MED13L: variants seen among roughly 807,000 people sequenced by gnomAD.
The protein encoded by MED13L is mediator of RNA polymerase II transcription subunit 13-like.
A neutral mutation model predicts 220.9 loss-of-function variants in MED13L; 7 were observed. That is an observed-to-expected ratio of 0.03 (90% CI 0.02 to 0.06). The LOEUF (loss-of-function observed/expected upper bound fraction) is 0.06. Among genes scored for constraint, MED13L ranks in the 10% least tolerant of loss-of-function variants. The pLI is 1.00. For synonymous variants in MED13L, 1,011 were observed against 1,015.2 expected, an observed-to-expected ratio of 1.00 and a Z score of 0.08; for missense variants, 1,965 against 2,760.5, an observed-to-expected ratio of 0.71 and a Z score of 6.46.
chr12:116,239,454 T>C (rs750249656), intron 1 of MED13L, among the ~76,000 whole-genome samples: 1 of 152,224 alleles, frequency 6.6e-6, no homozygotes, highest in Non-Finnish European at 1.5e-5. Context: ...CTTTTTAAAG[T>C]TGGAACCATA....
chr12:116,225,596 G>A (rs1017192224), intron 2 of MED13L, among the ~76,000 whole-genome samples: 8 of 152,126 alleles, frequency 5.3e-5, no homozygotes, highest in African/African-American at 1.9e-4. Context: ...AAAAAATATA[G>A]TGCCTGAAAT....
chr12:116,045,436 C>T (rs1881774993), intron 4 of MED13L, among the ~76,000 whole-genome samples: 1 of 152,104 alleles, frequency 6.6e-6, no homozygotes, highest in Non-Finnish European at 1.5e-5. Flanking sequence ...AGGCTGTACT[C>T]GGCTTCTAGA....
At chr12:116,072,638 G>C (rs998885565) in intron 4 of MED13L, among the ~76,000 whole-genome samples, 1 of 152,120 alleles carries the variant, frequency 6.6e-6, no homozygotes, top group Admixed American at 6.5e-5. Flanking sequence ...TTTTAGTAGA[G>C]ACAGGGTTTC....
intron 1 of MED13L, among the ~76,000 whole-genome samples, chr12:116,266,973 A>G (rs1339827164): frequency 6.6e-6 from 1 of 152,238 alleles, no homozygotes; most frequent in Non-Finnish European, 1.5e-5. Flanking sequence ...AAGGGTTGTG[A>G]CATGTGTGTC....
At chr12:116,274,367 A>C (rs1253805516) in intron 1 of MED13L, among the ~76,000 whole-genome samples, 1 of 150,624 alleles carries the variant, frequency 6.6e-6, no homozygotes, top group Non-Finnish European at 1.5e-5. Flanking sequence ...AATCTAACTA[A>C]TGAGAGTATC....
At chr12:116,264,052 C>T (rs1236579308) in intron 1 of MED13L, among the ~76,000 whole-genome samples, 1 of 152,192 alleles carries the variant, frequency 6.6e-6, no homozygotes, top group Non-Finnish European at 1.5e-5. Context: ...GGCTTTCACT[C>T]ATCAGCAGCA....
At chr12:116,198,541 T>C (rs1169561180) in intron 2 of MED13L, among the ~76,000 whole-genome samples, 2 of 152,190 alleles carry the variant, frequency 1.3e-5, no homozygotes, top group African/African-American at 2.4e-5. Flanking sequence ...ATGTGCCTCT[T>C]CACTGAGACT....
In MED13L at chr12:115,986,274, C is replaced by T. The variant is rs1191265317; in HGVS notation, c.4330G>A (p.Val1444Ile). ...AKTFFRDLSA[V>I]YEMCRLGQHK... ...CACAGTAACTTCCTCACCTCGTATA[C>T]AGCACTCAAGTCCCTGAAGAAAGTT... is the stretch of plus-strand genomic sequence containing the variant. Residue 1444 changes from valine (V) to isoleucine (I), a missense_variant, in exon 19 of 31, where the codon GTA becomes ATA. Val to Ile is a conservative substitution (Grantham distance 29). Coordinates refer to ENST00000281928, the MANE Select transcript of MED13L (RefSeq NM_015335.5). The T allele has an allele frequency of 1.2e-6, 2 of 1,613,978 alleles. No individual in the cohort carries two copies. Among genetic ancestry groups the T allele is most frequent in the East Asian group, 2.2e-5 (1 of 44,878 alleles).
intron 4 of MED13L, among the ~76,000 whole-genome samples, chr12:116,042,361 C>T (rs932970191): frequency 6.6e-6 from 1 of 152,186 alleles, no homozygotes; most frequent in Non-Finnish European, 1.5e-5. Flanking sequence ...TTTAATGGCA[C>T]CTTCAGTCCT....
At chr12:116,061,180 G>T (rs1274289850) in intron 4 of MED13L, among the ~76,000 whole-genome samples, 1 of 152,078 alleles carries the variant, frequency 6.6e-6, no homozygotes, top group Non-Finnish European at 1.5e-5. Flanking sequence ...TAGAGGACAA[G>T]ATTTAACTTT....
chr12:116,237,620 T>A lies in MED13L; in HGVS notation c.158A>T (p.Asp53Val), dbSNP rs1403666758. Residue 53 changes from aspartate to valine, a missense_variant, in exon 2 of 31, where the codon GAT becomes GTT. Asp to Val is a radical substitution (Grantham distance 152). This residue lies in a region of MED13L where 818 missense variants were observed against 1,041.2 expected (regional missense o/e 0.79). Transcript: ENST00000281928. The part of the protein sequence containing the change: ...CGPIISAPAQ[D>V]DPILLSFIRC... ...GATGAAACTTAACAGAATTGGATCA[T>A]CTTGGGCTGGGGCTGAAATTATGGG... 1 of 1,614,174 alleles carries A rather than the reference T, an allele frequency of 6.2e-7. No homozygotes were observed. The highest frequency in any genetic ancestry group is 8.5e-7 in the Non-Finnish European group (1 of 1,180,032).
intron 16 of MED13L, among the ~76,000 whole-genome samples, chr12:115,992,533 T>C (rs1037785215): frequency 1.3e-5 from 2 of 152,200 alleles, no homozygotes; most frequent in Non-Finnish European, 2.9e-5. Context: ...TGCAGCCCTA[T>C]CTAGGCTTAC....
chr12:116,112,774 T>C (rs534602277), intron 2 of MED13L, among the ~76,000 whole-genome samples: 9 of 152,354 alleles, frequency 5.9e-5, no homozygotes, highest in Admixed American at 1.3e-4. Context: ...GCAGGTATCA[T>C]GAATCTATGT....
chr12:115,972,118 C>G lies in MED13L; in HGVS notation c.5850G>C (p.Leu1950=). 6.2e-7 allele frequency: 1 copy of G among 1,614,030 alleles called. No homozygotes were observed. The highest frequency in any genetic ancestry group is 8.5e-7 in the Non-Finnish European group (1 of 1,179,914). The part of the protein sequence containing the change: ...ADSPSILSAC[L]VAMEPQGSFV... Reference sequence around the variant, plus strand: ...AGGACCCCTGGGGCTCCATGGCAACCAGGCAGGCACTAAGGATAGAAGGAG... The same window carrying G: ...AGGACCCCTGGGGCTCCATGGCAACGAGGCAGGCACTAAGGATAGAAGGAG... The change falls in exon 26 of 31, where the codon CTG becomes CTC. Residue 1950 remains leucine, a synonymous_variant. Transcript: ENST00000281928.
At chr12:116,152,103 G>T (rs1475650480) in intron 2 of MED13L, among the ~76,000 whole-genome samples, 5 of 151,904 alleles carry the variant, frequency 3.3e-5, no homozygotes, top group African/African-American at 1.2e-4. Context: ...AAATATATTT[G>T]TTTCATACAG....
At chr12:116,044,023 G>T (rs1437735303) in intron 4 of MED13L, among the ~76,000 whole-genome samples, 4 of 152,148 alleles carry the variant, frequency 2.6e-5, no homozygotes, top group African/African-American at 9.7e-5. Flanking sequence ...CTAAACAAAT[G>T]TGTCAAGAAA....
intron 2 of MED13L, among the ~76,000 whole-genome samples, chr12:116,230,975 G>T (rs1869504068): frequency 6.6e-6 from 1 of 152,070 alleles, no homozygotes; most frequent in Non-Finnish European, 1.5e-5. Context: ...AGCAATAGGG[G>T]CTATTCATTT....
At chr12:115,961,942 G>A (rs1274953663) in intron 30 of MED13L, among the ~76,000 whole-genome samples, 1 of 151,604 alleles carries the variant, frequency 6.6e-6, no homozygotes, top group Admixed American at 6.6e-5. Flanking sequence ...TCCAGCCTGG[G>A]TGACAGAGCA....
intron 2 of MED13L, among the ~76,000 whole-genome samples, chr12:116,213,952 T>C (rs1265172895): frequency 6.6e-6 from 1 of 152,208 alleles, no homozygotes; most frequent in Admixed American, 6.5e-5. Flanking sequence ...CAGTGTTACA[T>C]CCATCTTGTA....
Sources: allele counts gnomAD v4.1 joint callset (sites outside exome capture counted in the v4.1 genomes callset), GRCh38; gene constraint gnomAD v4.1.1; regional missense constraint gnomAD v4.1.1; transcripts MANE v1.5; gene names NCBI Gene and HGNC (gene_info 2026-07-23, HGNC 2026-07-21).